The following MTCL2 variants were observed in gnomAD, a reference collection of about 807,000 sequenced individuals.
The protein encoded by MTCL2 is microtubule cross-linking factor 2.
the MTCL2 span, among the ~76,000 whole-genome samples, chr20:36,857,062 G>A: frequency 6.6e-6 from 1 of 152,240 alleles, no homozygotes; most frequent in Non-Finnish European, 1.5e-5. Flanking sequence ...AAGAGGCAGG[G>A]GAGGTACCCG....
chr20:36,796,073 T>C, the MTCL2 span, among the ~76,000 whole-genome samples: 1,005 of 152,346 alleles, frequency 6.6e-3, 13 homozygotes, highest in African/African-American at 0.023. Flanking sequence ...CCTGAAATTC[T>C]GTCCCAAATA....
At chr20:36,782,983 G>A in the MTCL2 span, 3 of 151,916 alleles carry the variant, frequency 2.0e-5, no homozygotes, top group African/African-American at 4.8e-5. Flanking sequence ...TAGATAGGAG[G>A]GGAGAGGGAG....
chr20:36,832,981 C>G, the MTCL2 span, among the ~76,000 whole-genome samples: 40 of 152,294 alleles, frequency 2.6e-4, no homozygotes, highest in African/African-American at 8.9e-4. Flanking sequence ...TTTACAGAAT[C>G]AGCTGGAACA....
the MTCL2 span, among the ~76,000 whole-genome samples, chr20:36,862,058 CACG>C: frequency 2.0e-5 from 3 of 152,318 alleles, no homozygotes; most frequent in Non-Finnish European, 4.4e-5. Flanking sequence ...CCGGTTCTCC[CACG>C]ACATCATCCT....
chr20:36,845,345 T>A, the MTCL2 span, among the ~76,000 whole-genome samples: 1 of 152,148 alleles, frequency 6.6e-6, no homozygotes, highest in African/African-American at 2.4e-5. Context: ...TTTGAATAAG[T>A]GAATGAATGA....
At chr20:36,842,392 A>T in the MTCL2 span, among the ~76,000 whole-genome samples, 1 of 152,260 alleles carries the variant, frequency 6.6e-6, no homozygotes, top group East Asian at 1.9e-4. Flanking sequence ...ATTATGTCTC[A>T]TACAAATGTG....
chr20:36,802,704 T>A, the MTCL2 span, among the ~76,000 whole-genome samples: 1 of 152,238 alleles, frequency 6.6e-6, no homozygotes, highest in Non-Finnish European at 1.5e-5. Context: ...TCTAAGTGCC[T>A]GGATCCAGCT....
At chr20:36,793,808 T>G in the MTCL2 span, 1 of 1,542,240 alleles carries the variant, frequency 6.5e-7, no homozygotes, top group Non-Finnish European at 8.7e-7. The surrounding 1 kb of genome is among the most constrained non-coding windows in gnomAD (Gnocchi z 6.8). Flanking sequence ...CGAATGGACC[T>G]TGTCCAGGGA....
chr20:36,863,503 G>A, the MTCL2 span: 6 of 406,288 alleles, frequency 1.5e-5, no homozygotes, highest in Non-Finnish European at 1.8e-5. The surrounding 1 kb of genome is among the most constrained non-coding windows in gnomAD (Gnocchi z 6.2). Flanking sequence ...AAGCCCCGCC[G>A]CGCGGTCTCT....
chr20:36,815,815 C>G, the MTCL2 span: 1 of 1,593,836 alleles, frequency 6.3e-7, no homozygotes, highest in Non-Finnish European at 8.5e-7. The surrounding 1 kb of genome is among the most constrained non-coding windows in gnomAD (Gnocchi z 5.3). Context: ...TTGGCCAGCT[C>G]GTTCAGCAGC....
the MTCL2 span, among the ~76,000 whole-genome samples, chr20:36,825,032 C>T: frequency 3.3e-5 from 5 of 151,850 alleles, no homozygotes; most frequent in South Asian, 2.1e-4. Flanking sequence ...CTCCAGCTCC[C>T]GGGTTCAAGC....
At chr20:36,795,737 T>C in the MTCL2 span, among the ~76,000 whole-genome samples, 1 of 151,826 alleles carries the variant, frequency 6.6e-6, no homozygotes, top group Non-Finnish European at 1.5e-5. Flanking sequence ...GATTGTGCCA[T>C]TGCACTCCAC....
the MTCL2 span, chr20:36,784,897 A>G: frequency 1.0e-6 from 1 of 985,490 alleles, no homozygotes; most frequent in Non-Finnish European, 1.2e-6. Context: ...CTCAAAGTTC[A>G]GTCCTGTTTT....
At chr20:36,824,513 G>A in the MTCL2 span, among the ~76,000 whole-genome samples, 7 of 152,212 alleles carry the variant, frequency 4.6e-5, no homozygotes, top group Non-Finnish European at 8.8e-5. Flanking sequence ...GAAAGGGGGA[G>A]TGGGGAGTGA....
chr20:36,778,137 C>A, the MTCL2 span: 1 of 292,558 alleles, frequency 3.4e-6, no homozygotes, highest in Non-Finnish European at 6.3e-6. Context: ...ACAATGTGTG[C>A]TTTCTCCAGG....
chr20:36,826,609 C>A, the MTCL2 span, among the ~76,000 whole-genome samples: 1 of 151,648 alleles, frequency 6.6e-6, no homozygotes, highest in Non-Finnish European at 1.5e-5. Flanking sequence ...AACTCCTAGC[C>A]CCAACCAATC....
the MTCL2 span, chr20:36,785,008 G>T: frequency 1.0e-6 from 1 of 985,534 alleles, no homozygotes; most frequent in Non-Finnish European, 1.2e-6. Context: ...CAGAGGGAGG[G>T]AGGGAAATGA....
At chr20:36,832,105 C>A in the MTCL2 span, among the ~76,000 whole-genome samples, 4 of 152,224 alleles carry the variant, frequency 2.6e-5, no homozygotes, top group Non-Finnish European at 5.9e-5. Flanking sequence ...GTTGGATGAA[C>A]AAATAAATCC....
the MTCL2 span, among the ~76,000 whole-genome samples, chr20:36,825,665 C>T: frequency 2.4e-4 from 36 of 152,332 alleles, no homozygotes; most frequent in East Asian, 6.0e-3. Flanking sequence ...ACCACCTCGG[C>T]AGCCTGTCAG....
Sources: allele counts gnomAD v4.1 joint callset (sites outside exome capture counted in the v4.1 genomes callset), GRCh38; gene constraint gnomAD v4.1.1; non-coding constraint Gnocchi (gnomAD v3.1); transcripts MANE v1.5; gene names NCBI Gene and HGNC (gene_info 2026-07-23, HGNC 2026-07-21).